Variants in ZNF510 observed in about 807,000 individuals in gnomAD.
ZNF510 encodes zinc finger protein 510.
Under a neutral mutation model 18.1 loss-of-function variants are expected in ZNF510, and 15 were observed. The ratio of observed to expected loss-of-function variants is 0.83; its 90% confidence interval spans 0.55 to 1.28. The LOEUF (loss-of-function observed/expected upper bound fraction) is 1.28. Ranked by LOEUF, ZNF510 falls within the 50% of genes most tolerant of loss-of-function variation. The pLI is 0.00. For missense variants in ZNF510, 724 were observed against 791.8 expected, an observed-to-expected ratio of 0.91 and a Z score of 1.03; for synonymous variants, 261 against 266.4, an observed-to-expected ratio of 0.98 and a Z score of 0.20.
chr9:96,774,163 C>T (rs936114583), intron 3 of ZNF510, among the ~76,000 whole-genome samples: 2 of 152,202 alleles, frequency 1.3e-5, no homozygotes, highest in African/African-American at 4.8e-5. Context: ...TCCTGTACTG[C>T]AACAATGAAA....
chr9:96,774,835 G>A lies in ZNF510; in HGVS notation c.82C>T (p.Arg28Trp), dbSNP rs148190358. ...TGCTCCTGAAAGAGTGTGGAGAACC[G>A]TAAAGGATAACCTGGGGGTGAGGAA... Reference protein sequence around the residue: ...GQLAEGGYPLRFSTLFQEQQK... With the variant: ...GQLAEGGYPLWFSTLFQEQQK... The change falls in exon 3 of 6, where the codon CGG becomes TGG. Residue 28 changes from arginine (R) to tryptophan (W), a missense_variant. Arg to Trp is a moderately radical substitution (Grantham distance 101). Transcript: ENST00000223428. The A allele has an allele frequency of 3.5e-4, 565 of 1,613,954 alleles. No homozygotes were observed. Among genetic ancestry groups the A allele is most frequent in the Non-Finnish European group, 4.4e-4 (525 of 1,179,906 alleles).
At position 96,759,664 on chromosome 9, in the gene ZNF510, G is replaced by A. The variant is rs150546526; in HGVS notation, c.1166C>T (p.Ser389Leu). 13 of 1,613,482 alleles carry A rather than the reference G, an allele frequency of 8.1e-6. No individual in the cohort carries two copies. Among genetic ancestry groups the A allele is most frequent in the Admixed American group, 3.3e-5 (2 of 60,018 alleles). The change falls in exon 6 of 6, where the codon TCG becomes TTG. Residue 389 changes from serine (S) to leucine (L), a missense_variant. Coordinates refer to ENST00000223428, the MANE Select transcript of ZNF510 (RefSeq NM_014930.3). ...ACTTCTTCGGCGAACTCTGTGAACC[G>A]ACGTCTGGTAGGATTTCTTATTTTC... is the stretch of plus-strand genomic sequence containing the variant. Reference protein sequence around the residue: ...YHENKKSYQTSVHRVRRRSHS... With the variant: ...YHENKKSYQTLVHRVRRRSHS...
At position 96,775,979 on chromosome 9, in the gene ZNF510, C is replaced by T. The variant is rs748492163; in HGVS notation, c.70+21G>A. 1.4e-5 allele frequency: 22 copies of T among 1,599,874 alleles called. No individual in the cohort carries two copies. The Admixed American group carries it at 1.5e-4, about 11-fold the overall frequency. ...TCCTGTGCAGTCTGACAGTCACCCA[C>T]GCCTCTCAACCCCAGCTTACCACCT... On this transcript the variant is annotated intron_variant, in intron 2 of 5. Coordinates refer to ENST00000223428, the MANE Select transcript of ZNF510 (RefSeq NM_014930.3).
At chr9:96,773,743 T>C (rs1423987284) in intron 3 of ZNF510, among the ~76,000 whole-genome samples, 1 of 152,122 alleles carries the variant, frequency 6.6e-6, no homozygotes, top group Non-Finnish European at 1.5e-5. Flanking sequence ...GCCCGGCTAA[T>C]TTTTATATTT....
chr9:96,769,949 C>A (rs1209031704), intron 3 of ZNF510, among the ~76,000 whole-genome samples: 1 of 152,094 alleles, frequency 6.6e-6, no homozygotes, highest in Non-Finnish European at 1.5e-5. Flanking sequence ...GAAAGTGGAA[C>A]CCTAATACAC....
chr9:96,760,629 C>T (rs955550397), intron 5 of ZNF510, 152 bp from the exon 6 acceptor site: 88 of 620,994 alleles, frequency 1.4e-4, no homozygotes, highest in Admixed American at 3.5e-4. Context: ...TATCTCAGAC[C>T]ACCCTCCTTT....
chr9:96,760,009 C>G lies in ZNF510; in HGVS notation c.821G>C (p.Ser274Thr), dbSNP rs1244062780. ...AGAGGATGTTTCTCCTGTGTGAGAA[C>G]TGTTATGTTTAACACAGTTAGCCTT... is the stretch of plus-strand genomic sequence containing the variant. ...NDKANCVKHN[S>T]SHTGETSSKD... The change falls in exon 6 of 6, where the codon AGT (serine) becomes ACT (threonine). Residue 274 changes from serine (S) to threonine (T), a missense_variant. Coordinates refer to ENST00000223428, the MANE Select transcript of ZNF510 (RefSeq NM_014930.3). 1 of 1,612,988 alleles carries G rather than the reference C, an allele frequency of 6.2e-7. No individual in the cohort carries two copies. The highest frequency in any genetic ancestry group is 8.5e-7 in the Non-Finnish European group (1 of 1,179,870).
chr9:96,764,183 ATTC>A (rs1588128036), intron 3 of ZNF510, among the ~76,000 whole-genome samples: 1 of 142,464 alleles, frequency 7.0e-6, no homozygotes, highest in African/African-American at 3.1e-5. Context: ...CTTTTTTTTT[ATTC>A]TTATTTTTGT....
chr9:96,765,119 C>CAAA (rs1564437743), intron 3 of ZNF510, among the ~76,000 whole-genome samples: 2 of 146,180 alleles, frequency 1.4e-5, no homozygotes, highest in African/African-American at 5.5e-5. Flanking sequence ...GTATAAAAAA[C>CAAA]AACAACAACA....
intron 3 of ZNF510, among the ~76,000 whole-genome samples, chr9:96,765,793 G>A (rs952931397): frequency 2.0e-5 from 3 of 152,262 alleles, no homozygotes; most frequent in South Asian, 2.1e-4. Context: ...TTACAGACGT[G>A]AGCCACTGCG....
intron 3 of ZNF510, 83 bp from the exon 4 acceptor site, chr9:96,763,715 G>T: frequency 1.5e-6 from 2 of 1,336,420 alleles, no homozygotes; most frequent in Non-Finnish European, 2.0e-6. Context: ...TTCTTATCAG[G>T]TTTAACTCTA....
chr9:96,756,088 C>A lies in ZNF510; in HGVS notation c.*2690G>T, dbSNP rs942190457. The stretch of plus-strand genomic sequence containing the variant: ...TATTATGGGCATCTACTTGAGCAAC[C>A]CAGATGGTTGTACTAAGCAGCTGTG... On this transcript the variant is annotated 3_prime_UTR_variant, in exon 6 of 6. Transcript: ENST00000223428. 1.3e-5 allele frequency: 2 copies of A among 152,066 alleles called. No individual in the cohort carries two copies. Among genetic ancestry groups the A allele is most frequent in the African/African-American group, 4.8e-5 (2 of 41,404 alleles). The allele number at this position is 152,066 out of a possible 1,614,324, so 9.4% of individuals were successfully genotyped here.
In ZNF510 at chr9:96,776,189, T is replaced by C; in HGVS notation, c.-120A>G. ...TTGGAAGCCCTGGTGAGGAGGTCTC[T>C]GTTCTGTCAGAGAGCAGTTCTTCGG... On this transcript the variant is annotated 5_prime_UTR_variant, in exon 2 of 6. Coordinates refer to ENST00000223428, the MANE Select transcript of ZNF510 (RefSeq NM_014930.3). The C allele has an allele frequency of 6.9e-7, 1 of 1,453,024 alleles. No individual in the cohort carries two copies. 90.0% of individuals were successfully genotyped at this position (1,453,024 alleles called of 1,614,324 possible).
In ZNF510 at chr9:96,759,284, A is replaced by C; in HGVS notation, c.1546T>G (p.Phe516Val). 6.2e-7 allele frequency: 1 copy of C among 1,614,118 alleles called. No individual in the cohort carries two copies. The highest frequency in any genetic ancestry group is 8.5e-7 in the Non-Finnish European group (1 of 1,180,014). The change falls in exon 6 of 6, where the codon TTT becomes GTT. Residue 516 changes from phenylalanine (F) to valine (V), a missense_variant. By Grantham distance (50) the Phe-to-Val change is conservative (BLOSUM62 -1). Coordinates refer to ENST00000223428, the MANE Select transcript of ZNF510 (RefSeq NM_014930.3). ...HHRIHTGEKS[F>V]QCNQCGKTFG... is the part of the protein sequence containing the mutation. ...GTTTTTCCACATTGATTGCATTGAAAGGATTTCTCCCCTGTGTGAATTCTG... is the reference window on the plus strand; with the variant it reads ...GTTTTTCCACATTGATTGCATTGAACGGATTTCTCCCCTGTGTGAATTCTG...
Position 96,759,955 on chromosome 9 carries a change from T to C in ZNF510, c.875A>G (p.Asp292Gly). 1.9e-6 allele frequency: 3 copies of C among 1,613,358 alleles called. No homozygotes were observed. The highest frequency in any genetic ancestry group is 1.7e-6 in the Non-Finnish European group (2 of 1,179,942). Reference protein sequence around the residue: ...SKDDEFRKNCDKKTLFDHRRT... With the variant: ...SKDDEFRKNCGKKTLFDHRRT... ...CCTGTGGTCAAAGAGAGTTTTCTTA[T>C]CACAATTTTTCCTAAATTCATCATC... is the stretch of plus-strand genomic sequence containing the variant. The change falls in exon 6 of 6, where the codon GAT becomes GGT. Residue 292 changes from aspartate (D) to glycine (G), a missense_variant. Physicochemically the swap from Asp to Gly is moderately conservative, Grantham distance 94 (BLOSUM62 -1). Transcript: ENST00000223428.
At chr9:96,770,901 T>C (rs1475668196) in intron 3 of ZNF510, among the ~76,000 whole-genome samples, 2 of 152,196 alleles carry the variant, frequency 1.3e-5, no homozygotes, top group African/African-American at 4.8e-5. Context: ...GGTATGTGAA[T>C]TGTATCTCCA....
At chr9:96,761,270 G>A (rs1849340820) in intron 5 of ZNF510, among the ~76,000 whole-genome samples, 2 of 152,130 alleles carry the variant, frequency 1.3e-5, no homozygotes, top group East Asian at 3.8e-4. Flanking sequence ...TCTGACATGA[G>A]GGGTACAATT....
chr9:96,757,539 A>G lies in ZNF510; in HGVS notation c.*1239T>C, dbSNP rs1168940146. 1.3e-5 allele frequency: 2 copies of G among 152,212 alleles called. No homozygotes were observed. Among genetic ancestry groups the G allele is most frequent in the Non-Finnish European group, 2.9e-5 (2 of 68,044 alleles). The allele number at this position is 152,212 out of a possible 1,614,324, so 9.4% of individuals were successfully genotyped here. ...CACAGAAGCTTTCTGCCTTCCTAGC[A>G]GAAGATAACTAAATTATGTGTAGAA... On this transcript the variant is annotated 3_prime_UTR_variant, in exon 6 of 6. Coordinates refer to ENST00000223428, the MANE Select transcript of ZNF510 (RefSeq NM_014930.3).
rs1479099351 is a variant in ZNF510, at chr9:96,759,527, T to C, written c.1303A>G (p.Ser435Gly). 6.2e-7 allele frequency: 1 copy of C among 1,614,122 alleles called. No individual in the cohort carries two copies. The change falls in exon 6 of 6, where the codon AGT (serine) becomes GGT (glycine). Residue 435 changes from serine to glycine, a missense_variant. By Grantham distance (56) the Ser-to-Gly change is moderately conservative. Coordinates refer to ENST00000223428, the MANE Select transcript of ZNF510 (RefSeq NM_014930.3). ...THTGEKPFEC[S>G]ECGKTFSQKS... Reference sequence around the variant, plus strand: ...TGGGAGAAAGTTTTTCCACATTCACTACATTCAAATGGTTTCTCTCCTGTG... The same window carrying C: ...TGGGAGAAAGTTTTTCCACATTCACCACATTCAAATGGTTTCTCTCCTGTG...
Sources: allele counts gnomAD v4.1 joint callset (sites outside exome capture counted in the v4.1 genomes callset), GRCh38; gene constraint gnomAD v4.1.1; transcripts MANE v1.5; gene names NCBI Gene and HGNC (gene_info 2026-07-23, HGNC 2026-07-21).